MRTFA: variants seen among roughly 807,000 people sequenced by gnomAD.
MRTFA encodes the protein myocardin-related transcription factor A.
In MRTFA, 20 loss-of-function variants were observed where a neutral mutation model predicts 83.5. The ratio of observed to expected loss-of-function variants is 0.24; its 90% CI spans 0.17 to 0.35. The LOEUF is 0.35. MRTFA is among the 10% of genes least tolerant of loss of function. The pLI is 1.00. For missense variants in MRTFA, 1,200 were observed against 1,224.7 expected (o/e 0.98, Z 0.30); for synonymous variants, 659 against 541.2 (o/e 1.22, Z -3.02).
At position 40,507,791 on chromosome 22, in the gene MRTFA, C is replaced by A. The variant is rs560511920; in HGVS notation, c.241+44315G>T. 2.6e-5 allele frequency among the ~76,000 whole-genome samples: 4 copies of A among 151,644 alleles called. No individual in the cohort carries two copies. In the Middle Eastern group the frequency reaches 0.01, roughly 387 times the overall value. On this transcript the variant is annotated intron_variant, in intron 3 of 14. Coordinates refer to ENST00000355630, the MANE Select transcript of MRTFA (RefSeq NM_020831.6). ...CAGCCTGACCAACATGGCGAAACCC[C>A]GTCTCTACTAAAAATACAAAAATTA...
intron 4 of MRTFA, among the ~76,000 whole-genome samples, chr22:40,443,168 C>G (rs1422189554): frequency 6.6e-6 from 1 of 152,052 alleles, no homozygotes; most frequent in Non-Finnish European, 1.5e-5. Flanking sequence ...AGGAGAATTG[C>G]TTGAATCCAG....
chr22:40,437,762 CAAA>C (rs1180457762), intron 4 of MRTFA, among the ~76,000 whole-genome samples: 4 of 105,852 alleles, frequency 3.8e-5, no homozygotes, highest in Admixed American at 1.0e-4. Flanking sequence ...GACTCCGTCT[CAAA>C]AAAAAAAAAA....
chr22:40,446,723 CA>C (rs1334754694), intron 4 of MRTFA, among the ~76,000 whole-genome samples: 1 of 152,144 alleles, frequency 6.6e-6, no homozygotes, highest in Non-Finnish European at 1.5e-5. Flanking sequence ...GGTGGAAGCA[CA>C]AACTTACTGC....
chr22:40,430,064 C>G (rs760863586), intron 6 of MRTFA, among the ~76,000 whole-genome samples: 1 of 152,162 alleles, frequency 6.6e-6, no homozygotes, highest in African/African-American at 2.4e-5. Flanking sequence ...ACAGAATGGT[C>G]TCCACTCTCC....
Position 40,614,661 on chromosome 22 carries a change from AT to A in MRTFA, c.-83-19927del, listed in dbSNP as rs1232727679. On this transcript the variant is annotated intron_variant, in intron 1 of 14. Coordinates refer to ENST00000355630, the MANE Select transcript of MRTFA (RefSeq NM_020831.6). ...AGCCACCACACCCAAATGATTCTGT[AT>A]TTTTAGTAGAGACGAGGTTTCTCCA... Among the ~76,000 whole-genome samples the A allele has an allele frequency of 7.9e-5, 12 of 152,100 alleles. No individual in the cohort carries two copies. In the East Asian group the frequency reaches 2.3e-3, roughly 29 times the overall value.
intron 2 of MRTFA, among the ~76,000 whole-genome samples, chr22:40,561,196 CTGTGTGTGTGTGTGTCTG>C (rs938152967): frequency 2.1e-5 from 3 of 140,702 alleles, no homozygotes; most frequent in African/African-American, 8.2e-5. Context: ...ATGGGTATCT[CTGTGTGTGTGTGTGTCTG>C]TGTGTGTGTG....
intron 1 of MRTFA, among the ~76,000 whole-genome samples, chr22:40,625,191 AAT>A (rs1255204364): frequency 2.0e-5 from 3 of 152,156 alleles, no homozygotes; most frequent in Non-Finnish European, 4.4e-5. Context: ...GAATCTATAA[AAT>A]AGAATAAAAG....
At chr22:40,423,444 C>G (rs542876090) in intron 9 of MRTFA, 92 bp downstream of exon 9, 52 of 1,231,200 alleles carry the variant, frequency 4.2e-5, no homozygotes, top group Non-Finnish European at 5.6e-5. Context: ...GCACCACACC[C>G]TCTACAGCTG....
intron 3 of MRTFA, among the ~76,000 whole-genome samples, chr22:40,524,799 TTGTGCG>T (rs1445348375): frequency 1.3e-5 from 2 of 152,200 alleles, no homozygotes; most frequent in African/African-American, 4.8e-5. Flanking sequence ...TTATTTATTT[TTGTGCG>T]TGTGCGTGTG....
intron 14 of MRTFA, 87 bp from the exon 15 acceptor site, chr22:40,411,994 TC>T (rs1229209466): frequency 8.7e-7 from 1 of 1,148,412 alleles, no homozygotes; most frequent in Non-Finnish European, 1.2e-6. Flanking sequence ...CCCCCCAACG[TC>T]ACACCATTTA....
intron 3 of MRTFA, among the ~76,000 whole-genome samples, chr22:40,515,466 G>A (rs2054742485): frequency 6.6e-6 from 1 of 151,946 alleles, no homozygotes; most frequent in Admixed American, 6.6e-5. Context: ...GGCCGAGTCA[G>A]GTGGATCACT....
intron 1 of MRTFA, among the ~76,000 whole-genome samples, chr22:40,628,893 C>A (rs1317790323): frequency 1.3e-5 from 2 of 152,176 alleles, no homozygotes; most frequent in African/African-American, 4.8e-5. Flanking sequence ...ATTAGTTCCA[C>A]CCAATGCACC....
intron 1 of MRTFA, among the ~76,000 whole-genome samples, chr22:40,618,311 C>A (rs2056479686): frequency 6.8e-6 from 1 of 146,966 alleles, no homozygotes; most frequent in African/African-American, 2.5e-5. Flanking sequence ...AGGGTGGTCT[C>A]AATCTCCTGA....
At chr22:40,598,754 A>G (rs1183778339) in intron 1 of MRTFA, among the ~76,000 whole-genome samples, 1 of 150,886 alleles carries the variant, frequency 6.6e-6, no homozygotes, top group African/African-American at 2.4e-5. Flanking sequence ...GTATTTTGGG[A>G]AGCTGAGGAG....
At chr22:40,527,677 T>C (rs1016166738) in intron 3 of MRTFA, among the ~76,000 whole-genome samples, 3 of 147,806 alleles carry the variant, frequency 2.0e-5, no homozygotes, top group Non-Finnish European at 4.4e-5. Context: ...GAGAATGGAG[T>C]GAACCCAGGA....
At chr22:40,580,129 C>T (rs572183999) in intron 2 of MRTFA, among the ~76,000 whole-genome samples, 1 of 152,134 alleles carries the variant, frequency 6.6e-6, no homozygotes, top group South Asian at 2.1e-4. Flanking sequence ...TTTAGGACAG[C>T]AAATATAGAA....
chr22:40,452,274 G>A (rs1011128624), intron 4 of MRTFA, among the ~76,000 whole-genome samples: 3 of 152,046 alleles, frequency 2.0e-5, no homozygotes, highest in South Asian at 2.1e-4. Flanking sequence ...ATAAGCTATC[G>A]CGCCTGGCCT....
intron 3 of MRTFA, among the ~76,000 whole-genome samples, chr22:40,494,664 G>C (rs1287431626): frequency 1.3e-5 from 2 of 149,218 alleles, no homozygotes; most frequent in African/African-American, 5.0e-5. Context: ...CTGGGTAACA[G>C]AGCCAGACTC....
chr22:40,612,352 T>A (rs150634938), intron 1 of MRTFA, among the ~76,000 whole-genome samples: 2 of 152,250 alleles, frequency 1.3e-5, no homozygotes, highest in African/African-American at 4.8e-5. Context: ...TGCAAGAAGG[T>A]ACGTTATTCA....
Sources: allele counts gnomAD v4.1 joint callset (sites outside exome capture counted in the v4.1 genomes callset), GRCh38; gene constraint gnomAD v4.1.1; transcripts MANE v1.5; gene names NCBI Gene and HGNC (gene_info 2026-07-23, HGNC 2026-07-21).